ATOH8: variants seen among roughly 807,000 people sequenced by gnomAD.
The protein encoded by ATOH8 is atonal bHLH transcription factor 8, also known as transcription factor ATOH8.
Under a neutral mutation model 21.2 loss-of-function variants are expected in ATOH8, and 9 were observed. The observed-to-expected ratio is 0.42, with a 90% CI of 0.26 to 0.74. The LOEUF (loss-of-function observed/expected upper bound fraction) is 0.74. Among genes scored for constraint, ATOH8 ranks in the 30% least tolerant of loss-of-function variants. ATOH8 has a pLI of 0.24. For missense variants in ATOH8, 524 were observed against 470.9 expected, an observed-to-expected ratio of 1.11 and a Z score of -1.04; for synonymous variants, 253 against 224.0, an observed-to-expected ratio of 1.13 and a Z score of -1.16.
In ATOH8 at chr2:85,766,248, A is replaced by C. The variant is rs185035319; in HGVS notation, c.960+2066A>C. ...GAGGCTTATCCTATGGGGCTTACTT[A>C]TGTGGTGAAATTGCCCTGGAGAGGG... On this transcript the variant is annotated intron_variant, in intron 2 of 2. Coordinates refer to ENST00000306279, the MANE Select transcript of ATOH8 (RefSeq NM_032827.7). The surrounding 1 kb of genome is among the most constrained non-coding windows in gnomAD (Gnocchi z 4.0). 2.0e-3 allele frequency among the ~76,000 whole-genome samples: 304 copies of C among 152,102 alleles called. No individual in the cohort carries two copies. The highest frequency in any genetic ancestry group is 3.3e-3 in the Non-Finnish European group (227 of 67,980).
At chr2:85,755,835 T>G (rs1679676557) in intron 1 of ATOH8, among the ~76,000 whole-genome samples, 1 of 151,816 alleles carries the variant, frequency 6.6e-6, no homozygotes, top group Non-Finnish European at 1.5e-5. Context: ...GGTGGTGAGT[T>G]CTCTCCCACC....
intron 2 of ATOH8, among the ~76,000 whole-genome samples, chr2:85,779,848 G>A (rs1038260428): frequency 2.0e-5 from 3 of 152,202 alleles, no homozygotes; most frequent in African/African-American, 4.8e-5. Context: ...GCCGCCCTCC[G>A]TAAATGGTGG....
intron 2 of ATOH8, among the ~76,000 whole-genome samples, chr2:85,765,744 G>A (rs983159742): frequency 6.6e-6 from 1 of 152,198 alleles, no homozygotes; most frequent in African/African-American, 2.4e-5. Context: ...AAGCCAGCGT[G>A]GAGGTCCCGC....
rs1680724961 is a variant in ATOH8, at chr2:85,789,974, CACA to C, written c.*3085_*3087del. Among the ~76,000 whole-genome samples the C allele has an allele frequency of 6.6e-6, 1 of 152,194 alleles. No individual in the cohort carries two copies. The highest frequency in any genetic ancestry group is 1.5e-5 in the Non-Finnish European group (1 of 68,040). Reference sequence around the variant, plus strand: ...TCTCATGGGCACATGCATACCCACACACACACTCGTGTACATTTCCAGAAAATG... The same window carrying C: ...TCTCATGGGCACATGCATACCCACACCACTCGTGTACATTTCCAGAAAATG... On this transcript the variant is annotated 3_prime_UTR_variant, in exon 3 of 3. Transcript: ENST00000306279.
intron 1 of ATOH8, among the ~76,000 whole-genome samples, chr2:85,756,959 A>G (rs747483856): frequency 6.6e-6 from 1 of 152,198 alleles, no homozygotes; most frequent in Non-Finnish European, 1.5e-5. Flanking sequence ...GAAGTTCTCT[A>G]TAAAAAGGGC....
chr2:85,767,734 A>T (rs377680089), intron 2 of ATOH8, among the ~76,000 whole-genome samples: 2 of 152,160 alleles, frequency 1.3e-5, no homozygotes, highest in East Asian at 3.9e-4. Context: ...GGTTAGGGTG[A>T]GAAAAAGGAA....
chr2:85,774,881 C>T (rs1680282009), intron 2 of ATOH8: 5 of 921,680 alleles, frequency 5.4e-6, no homozygotes, highest in Non-Finnish European at 6.5e-6. Flanking sequence ...TCTCCACTGT[C>T]TGCCTGGCTA....
intron 2 of ATOH8, among the ~76,000 whole-genome samples, chr2:85,778,511 T>C (rs530075518): frequency 2.0e-4 from 30 of 152,296 alleles, no homozygotes; most frequent in African/African-American, 7.2e-4. Context: ...ACTGGATTAT[T>C]TGGGCTTCCC....
intron 2 of ATOH8, among the ~76,000 whole-genome samples, chr2:85,786,515 C>A (rs1187604458): frequency 1.3e-5 from 2 of 152,146 alleles, no homozygotes; most frequent in Non-Finnish European, 2.9e-5. Flanking sequence ...TGCAGAGGAG[C>A]CTGCCACCCC....
In ATOH8 at chr2:85,785,230, G is replaced by A. The variant is rs1301933762; in HGVS notation, c.961-1655G>A. Among the ~76,000 whole-genome samples the A allele has an allele frequency of 1.3e-5, 2 of 152,260 alleles. No individual in the cohort carries two copies. Among genetic ancestry groups the A allele is most frequent in the South Asian group, 2.1e-4 (1 of 4,836 alleles). Reference sequence around the variant, plus strand: ...GGCAGGGCCCGCCCAGGCAGCCAGCGCCGGGATGACGCGAGCTGTAAATCA... The same window carrying A: ...GGCAGGGCCCGCCCAGGCAGCCAGCACCGGGATGACGCGAGCTGTAAATCA... On this transcript the variant is annotated intron_variant, in intron 2 of 2. Transcript: ENST00000306279. This position sits in a 1 kb window ranked among gnomAD's most constrained non-coding sequence, Gnocchi z 4.1.
rs35236999 is a variant in ATOH8 at position 85,784,615 on chromosome 2, C to G, written c.961-2270C>G. ...TTGTTTACTGCAGGACTTTTCGGAG[C>G]CTTTGACATGCTAATACATACAGTG... On this transcript the variant is annotated intron_variant, in intron 2 of 2. Coordinates refer to ENST00000306279, the MANE Select transcript of ATOH8 (RefSeq NM_032827.7). Among the ~76,000 whole-genome samples the G allele has an allele frequency of 9.6e-3, 1,462 of 152,232 alleles. 12 individuals are homozygous for G. Among genetic ancestry groups the G allele is most frequent in the Middle Eastern group, 0.02 (6 of 294 alleles).
At chr2:85,774,839 G>A in intron 2 of ATOH8, 2 of 949,216 alleles carry the variant, frequency 2.1e-6, no homozygotes, top group Non-Finnish European at 2.5e-6. Flanking sequence ...TGGCCTCTGT[G>A]CTCATGCCAT....
In ATOH8 at chr2:85,781,153, G is replaced by A. The variant is rs144497637; in HGVS notation, c.961-5732G>A. The A allele has an allele frequency of 4.3e-4, 377 of 869,242 alleles. 2 individuals are homozygous for A. The African/African-American group carries it at 6.2e-3, about 14-fold the overall frequency. The allele number at this position is 869,242 out of a possible 1,614,324, so 53.8% of individuals were successfully genotyped here. ...CTTGTACAGCGTAATTCCACTTTTC[G>A]TAAAATACTGTATGTGAGTACGCAT... On this transcript the variant is annotated intron_variant, in intron 2 of 2. Coordinates refer to ENST00000306279, the MANE Select transcript of ATOH8 (RefSeq NM_032827.7).
Position 85,766,632 on chromosome 2 carries a change from A to G in ATOH8, c.960+2450A>G, listed in dbSNP as rs886159682. Among the ~76,000 whole-genome samples, 5 of 152,098 alleles carry G rather than the reference A, an allele frequency of 3.3e-5. No individual in the cohort carries two copies. The highest frequency in any genetic ancestry group is 1.2e-4 in the African/African-American group (5 of 41,410). ...GTTTTATCTGGACGACCAGGATTTG[A>G]CACGGCAGCCTTTGCAAGTGTGGGC... On this transcript the variant is annotated intron_variant, in intron 2 of 2. Coordinates refer to ENST00000306279, the MANE Select transcript of ATOH8 (RefSeq NM_032827.7). This position sits in a 1 kb window ranked among gnomAD's most constrained non-coding sequence, Gnocchi z 4.0.
At position 85,787,023 on chromosome 2, in the gene ATOH8, C is replaced by T; in HGVS notation, c.*133C>T. ...GCCAGATGCCCAGCCTACAGCCTCT[C>T]AGGGTCGGATCGGAGCACGCCTGCC... On this transcript the variant is annotated 3_prime_UTR_variant, in exon 3 of 3. Transcript: ENST00000306279. 8.0e-7 allele frequency: 1 copy of T among 1,245,690 alleles called. No homozygotes were observed. Among genetic ancestry groups the T allele is most frequent in the Non-Finnish European group, 1.1e-6 (1 of 876,492 alleles). The allele number at this position is 1,245,690 out of a possible 1,614,324, so 77.2% of individuals were successfully genotyped here. A position where few individuals can be genotyped will look rare whatever the true frequency, so the allele number is the denominator to read the frequency against.
At chr2:85,780,711 C>T (rs1680459422) in intron 2 of ATOH8, among the ~76,000 whole-genome samples, 1 of 152,224 alleles carries the variant, frequency 6.6e-6, no homozygotes, top group Admixed American at 6.5e-5. Context: ...ACTTTTTCTC[C>T]CCATTCTTGG....
chr2:85,765,111 C>T (rs578087141), intron 2 of ATOH8, among the ~76,000 whole-genome samples: 2 of 152,314 alleles, frequency 1.3e-5, no homozygotes, highest in African/African-American at 2.4e-5. Flanking sequence ...TGCAGCCCTC[C>T]GGATCTCTGT....
chr2:85,756,170 C>G, intron 1 of ATOH8, among the ~76,000 whole-genome samples: 1 of 25,064 alleles, frequency 4.0e-5, no homozygotes, highest in Non-Finnish European at 7.2e-5. Context: ...GGAAAGTGGT[C>G]AGTGAGGTGG....
In ATOH8 at chr2:85,766,730, C is replaced by T. The variant is rs1191550665; in HGVS notation, c.960+2548C>T. ...TGGAGCCTTCGAGCTCCCAGGCAGC[C>T]CTTCCAGGCAGGCCCCTGTGTCCCG... On this transcript the variant is annotated intron_variant, in intron 2 of 2. Transcript: ENST00000306279. This position sits in a 1 kb window ranked among gnomAD's most constrained non-coding sequence, Gnocchi z 4.0. 6.6e-6 allele frequency among the ~76,000 whole-genome samples: 1 copy of T among 152,230 alleles called. No individual in the cohort carries two copies. Among genetic ancestry groups the T allele is most frequent in the East Asian group, 1.9e-4 (1 of 5,186 alleles).
Sources: allele counts gnomAD v4.1 joint callset (sites outside exome capture counted in the v4.1 genomes callset), GRCh38; gene constraint gnomAD v4.1.1; non-coding constraint Gnocchi (gnomAD v3.1); transcripts MANE v1.5; gene names NCBI Gene and HGNC (gene_info 2026-07-23, HGNC 2026-07-21).